Variants in GLIS3 observed in about 807,000 individuals in gnomAD.
GLIS3 encodes GLIS family zinc finger 3.
GLIS3 carries 53 observed loss-of-function variants against 78.6 expected under a neutral mutation model. The observed-to-expected ratio is 0.67, with a 90% CI of 0.54 to 0.85. The LOEUF (loss-of-function observed/expected upper bound fraction) is 0.85, where lower values mean the gene tolerates loss of function less well. GLIS3 is among the 40% of genes least tolerant of loss of function. The probability of loss-of-function intolerance (pLI) is 0.00; values close to 1 mark genes in which losing one functional copy is unlikely to be tolerated. For synonymous variants in GLIS3, 684 were observed against 509.9 expected (o/e 1.34, Z -4.60); for missense variants, 1,703 against 1,231.1 (o/e 1.38, Z -5.74).
the GLIS3 span, among the ~76,000 whole-genome samples, chr9:4,472,310 A>ATGTT: frequency 6.6e-6 from 1 of 152,226 alleles, no homozygotes; most frequent in East Asian, 1.9e-4. Flanking sequence ...ATGCACACAT[A>ATGTT]TGTTTATTGT....
rs7035266 is a variant in GLIS3 at position 4,155,850 on chromosome 9, A to C, written c.389-29909T>G. On this transcript the variant is annotated intron_variant, in intron 2 of 10. Transcript: ENST00000381971. ...TCTAACAAGTTCCTGGGTGATGCTG[A>C]TACTGATGCTGCAGGTCCTCAGGCC... 5.3e-3 allele frequency among the ~76,000 whole-genome samples: 811 copies of C among 152,264 alleles called. 8 individuals carry two copies. Among genetic ancestry groups the C allele is most frequent in the African/African-American group, 0.019 (785 of 41,548 alleles).
At position 3,828,171 on chromosome 9, in the gene GLIS3, T is replaced by G; in HGVS notation, c.*101A>C. ...TCAGTAACTCTGCAGGGCCCGCTGA[T>G]TGGGCTGACATCCTTCCTCAAGCAG... On this transcript the variant is annotated 3_prime_UTR_variant, in exon 11 of 11. Coordinates refer to ENST00000381971, the MANE Select transcript of GLIS3 (RefSeq NM_001042413.2). 1 of 1,394,528 alleles carries G rather than the reference T, an allele frequency of 7.2e-7. No homozygotes were observed. The highest frequency in any genetic ancestry group is 1.0e-6 in the Non-Finnish European group (1 of 987,236). 86.4% of individuals were successfully genotyped at this position (1,394,528 alleles called of 1,614,324 possible).
chr9:4,003,718 AG>A (rs1821306833), intron 4 of GLIS3, among the ~76,000 whole-genome samples: 1 of 152,230 alleles, frequency 6.6e-6, no homozygotes, highest in Non-Finnish European at 1.5e-5. Flanking sequence ...TGCTCCAGGG[AG>A]CTGGAGAATC....
intron 2 of GLIS3, among the ~76,000 whole-genome samples, chr9:4,322,905 CTTTAG>C (rs1303244178): frequency 1.3e-5 from 2 of 152,164 alleles, no homozygotes; most frequent in African/African-American, 4.8e-5. Context: ...TGCAGAAGCT[CTTTAG>C]TTTAATGAGA....
At chr9:4,080,078 T>G (rs997681948) in intron 4 of GLIS3, among the ~76,000 whole-genome samples, 1 of 152,238 alleles carries the variant, frequency 6.6e-6, no homozygotes, top group African/African-American at 2.4e-5. Flanking sequence ...GGAATCTGCC[T>G]GCTTGTCAAA....
At chr9:3,894,753 T>C (rs558450552) in intron 7 of GLIS3, among the ~76,000 whole-genome samples, 39 of 152,090 alleles carry the variant, frequency 2.6e-4, no homozygotes, top group South Asian at 1.5e-3. Flanking sequence ...TAAGGTTACA[T>C]TCAAAATTTG....
intron 4 of GLIS3, among the ~76,000 whole-genome samples, chr9:4,090,559 G>C (rs1358133416): frequency 1.3e-5 from 2 of 152,184 alleles, no homozygotes; most frequent in Admixed American, 6.5e-5. Flanking sequence ...ACACATAGCA[G>C]TTGGACCACC....
At chr9:3,972,211 A>G (rs759558286) in intron 4 of GLIS3, among the ~76,000 whole-genome samples, 4 of 152,316 alleles carry the variant, frequency 2.6e-5, no homozygotes, top group Non-Finnish European at 5.9e-5. Flanking sequence ...AACTAGATAT[A>G]GGTCCTCTTA....
intron 2 of GLIS3, among the ~76,000 whole-genome samples, chr9:4,322,434 G>C (rs1817547017): frequency 6.6e-6 from 1 of 152,136 alleles, no homozygotes; most frequent in African/African-American, 2.4e-5. Flanking sequence ...GGATTGCTGG[G>C]TCAAATGGTA....
chr9:4,458,625 T>G, the GLIS3 span, among the ~76,000 whole-genome samples: 1 of 152,054 alleles, frequency 6.6e-6, no homozygotes, highest in African/African-American at 2.4e-5. Flanking sequence ...CCATCTCTAC[T>G]AAAATTACAA....
At chr9:3,989,642 G>T (rs1820058976) in intron 4 of GLIS3, among the ~76,000 whole-genome samples, 1 of 152,152 alleles carries the variant, frequency 6.6e-6, no homozygotes. Flanking sequence ...GTTACATACT[G>T]TATGAGTCCA....
intron 2 of GLIS3, among the ~76,000 whole-genome samples, chr9:4,160,604 T>A (rs1835397952): frequency 6.6e-6 from 1 of 152,224 alleles, no homozygotes; most frequent in African/African-American, 2.4e-5. Context: ...TAACCCAAGC[T>A]TGTTTGACAG....
At chr9:4,227,678 T>C (rs1305434431) in intron 2 of GLIS3, among the ~76,000 whole-genome samples, 1 of 152,172 alleles carries the variant, frequency 6.6e-6, no homozygotes, top group Non-Finnish European at 1.5e-5. Flanking sequence ...GGGACTTCTG[T>C]AAGACCAAAG....
chr9:4,125,845 C>A lies in GLIS3; in HGVS notation c.485G>T (p.Gly162Val). The A allele has an allele frequency of 6.2e-7, 1 of 1,613,984 alleles. No homozygotes were observed. Among genetic ancestry groups the A allele is most frequent in the Non-Finnish European group, 8.5e-7 (1 of 1,179,948 alleles). Residue 162 changes from glycine (G) to valine (V), a missense_variant, in exon 3 of 11, where the codon GGA becomes GTA. Transcript: ENST00000381971. Reference protein sequence around the residue: ...TSSPMMVQRLGLISPPASQVS... With the variant: ...TSSPMMVQRLVLISPPASQVS... Reference sequence around the variant, plus strand: ...CTGGCTTGCTGGAGGTGAAATGAGTCCCAGTCGCTGAACCATCATGGGACT... The same window carrying A: ...CTGGCTTGCTGGAGGTGAAATGAGTACCAGTCGCTGAACCATCATGGGACT...
chr9:4,373,364 G>A, the GLIS3 span, among the ~76,000 whole-genome samples: 1 of 151,946 alleles, frequency 6.6e-6, no homozygotes, highest in Non-Finnish European at 1.5e-5. Flanking sequence ...AAGATTCACT[G>A]AAGAACTACT....
At chr9:4,422,606 A>T in the GLIS3 span, among the ~76,000 whole-genome samples, 3 of 152,206 alleles carry the variant, frequency 2.0e-5, no homozygotes, top group Admixed American at 6.5e-5. Flanking sequence ...CTATATGAGC[A>T]CTGGGGACAC....
At chr9:4,151,570 T>G (rs1414835388) in intron 2 of GLIS3, among the ~76,000 whole-genome samples, 2 of 152,174 alleles carry the variant, frequency 1.3e-5, no homozygotes, top group Non-Finnish European at 2.9e-5. Context: ...AAGCAGTAAG[T>G]GGGGCTCTAA....
Position 4,125,633 on chromosome 9 carries a change from A to AGTCTGT in GLIS3, c.596+100_596+101insACAGAC. The AGTCTGT allele has an allele frequency of 3.9e-6, 3 of 772,132 alleles. No individual in the cohort carries two copies. The South Asian group carries it at 4.2e-5, about 11-fold the overall frequency. The allele number at this position is 772,132 out of a possible 1,614,324, so 47.8% of individuals were successfully genotyped here. ...AGTTGCTTGAGTGTGTAAGTGTATGAGTGTGTGTGTGTGTGTGTGTGTATT... is the reference window on the plus strand; with the variant it reads ...AGTTGCTTGAGTGTGTAAGTGTATGAGTCTGTGTGTGTGTGTGTGTGTGTGTGTATT... On this transcript the variant is annotated intron_variant, in intron 3 of 10. Transcript: ENST00000381971.
chr9:3,927,012 T>C (rs192303639), intron 6 of GLIS3, among the ~76,000 whole-genome samples: 11 of 152,382 alleles, frequency 7.2e-5, no homozygotes, highest in African/African-American at 2.2e-4. Flanking sequence ...CTCACTTCAA[T>C]AGGCCACCCT....
Sources: gnomAD v4.1 joint callset for allele counts (sites outside exome capture counted in the v4.1 genomes callset) on GRCh38, gnomAD v4.1.1 for gene constraint, MANE v1.5 for transcripts, NCBI Gene and HGNC (gene_info 2026-07-23, HGNC 2026-07-21) for gene names.